Variants in SLC35D4 observed in about 807,000 individuals in gnomAD.
SLC35D4 encodes the protein UDP-N-acetylglucosamine transporter SLC35D4.
the SLC35D4 span, among the ~76,000 whole-genome samples, chr18:23,275,728 G>A: frequency 6.6e-6 from 1 of 152,118 alleles, no homozygotes; most frequent in African/African-American, 2.4e-5. Flanking sequence ...AACTCTTATA[G>A]GGGGTCAAAG....
the SLC35D4 span, among the ~76,000 whole-genome samples, chr18:23,241,796 G>A: frequency 4.6e-5 from 7 of 152,090 alleles, no homozygotes; most frequent in Admixed American, 3.3e-4. Flanking sequence ...AAGGCCCCTC[G>A]TCGCCACAGT....
chr18:23,286,532 G>A, the SLC35D4 span, among the ~76,000 whole-genome samples: 1 of 152,014 alleles, frequency 6.6e-6, no homozygotes, highest in African/African-American at 2.4e-5. Flanking sequence ...GAAGACTGAT[G>A]CTGCCCGATC....
chr18:23,256,073 G>C, the SLC35D4 span, among the ~76,000 whole-genome samples: 1 of 152,168 alleles, frequency 6.6e-6, no homozygotes, highest in African/African-American at 2.4e-5. Context: ...GTAATGGTTT[G>C]ACCAGCCACT....
chr18:23,291,870 C>T, the SLC35D4 span, among the ~76,000 whole-genome samples: 280 of 152,220 alleles, frequency 1.8e-3, 11 homozygotes, highest in South Asian at 0.051. Flanking sequence ...CAAGCCACCA[C>T]TGCTTCTCTC....
At chr18:23,305,256 T>C in the SLC35D4 span, among the ~76,000 whole-genome samples, 1 of 152,222 alleles carries the variant, frequency 6.6e-6, no homozygotes, top group Non-Finnish European at 1.5e-5. Flanking sequence ...TGCTGTCAAA[T>C]TATCTACATA....
At chr18:23,405,654 G>C in the SLC35D4 span, among the ~76,000 whole-genome samples, 1 of 152,240 alleles carries the variant, frequency 6.6e-6, no homozygotes, top group African/African-American at 2.4e-5. Context: ...AGTCCAATGG[G>C]AGAGGTAGGC....
At chr18:23,385,990 G>A in the SLC35D4 span, among the ~76,000 whole-genome samples, 8 of 151,892 alleles carry the variant, frequency 5.3e-5, no homozygotes, top group Admixed American at 6.6e-5. Flanking sequence ...AAAATTAGCC[G>A]AGCATGGTGG....
At chr18:23,244,733 T>A in the SLC35D4 span, among the ~76,000 whole-genome samples, 2 of 152,214 alleles carry the variant, frequency 1.3e-5, no homozygotes, top group African/African-American at 4.8e-5. Flanking sequence ...TATCCTTCCT[T>A]CCTTTCACAG....
At chr18:23,309,585 A>G in the SLC35D4 span, 1 of 1,075,836 alleles carries the variant, frequency 9.3e-7, no homozygotes, top group Non-Finnish European at 1.4e-6. Context: ...CAGCCAACGC[A>G]CACTCCCTTT....
the SLC35D4 span, among the ~76,000 whole-genome samples, chr18:23,426,568 A>G: frequency 6.6e-6 from 1 of 152,214 alleles, no homozygotes; most frequent in Non-Finnish European, 1.5e-5. Flanking sequence ...GGAAGAATCA[A>G]TGTCGTGAAA....
At chr18:23,283,799 A>G in the SLC35D4 span, among the ~76,000 whole-genome samples, 1 of 147,322 alleles carries the variant, frequency 6.8e-6, no homozygotes, top group Non-Finnish European at 1.5e-5. Flanking sequence ...ACAGAGCAAG[A>G]CTCCATCTCA....
the SLC35D4 span, among the ~76,000 whole-genome samples, chr18:23,335,731 G>A: frequency 6.6e-6 from 1 of 152,030 alleles, no homozygotes; most frequent in Non-Finnish European, 1.5e-5. Context: ...CTCATTTATT[G>A]GACACCATAC....
chr18:23,289,856 C>T, the SLC35D4 span, among the ~76,000 whole-genome samples: 3 of 152,014 alleles, frequency 2.0e-5, no homozygotes, highest in Non-Finnish European at 1.5e-5. Context: ...ACCTTGTGAC[C>T]CCCACTCCTG....
chr18:23,371,287 G>A, the SLC35D4 span: 1 of 627,894 alleles, frequency 1.6e-6, no homozygotes, highest in South Asian at 2.5e-5. Flanking sequence ...TAGAGATGGG[G>A]TTTCTCAAGG....
chr18:23,286,409 T>G, the SLC35D4 span, among the ~76,000 whole-genome samples: 14 of 152,204 alleles, frequency 9.2e-5, no homozygotes, highest in Non-Finnish European at 1.3e-4. Flanking sequence ...CCACTGGAAA[T>G]CGGATGGAAA....
At chr18:23,316,116 T>TCCAAC in the SLC35D4 span, among the ~76,000 whole-genome samples, 1 of 152,202 alleles carries the variant, frequency 6.6e-6, no homozygotes, top group East Asian at 1.9e-4. Context: ...GAGAGTTCTC[T>TCCAAC]TCTATACCCT....
chr18:23,408,190 CT>C, the SLC35D4 span, among the ~76,000 whole-genome samples: 1 of 151,654 alleles, frequency 6.6e-6, no homozygotes, highest in African/African-American at 2.4e-5. Context: ...CCCCTAACCT[CT>C]TACCTGGCTA....
chr18:23,328,954 G>A, the SLC35D4 span, among the ~76,000 whole-genome samples: 1 of 152,176 alleles, frequency 6.6e-6, no homozygotes, highest in Admixed American at 6.5e-5. Context: ...AAGAAACAGG[G>A]AAAAGATTCC....
At chr18:23,339,493 T>C in the SLC35D4 span, among the ~76,000 whole-genome samples, 6 of 152,306 alleles carry the variant, frequency 3.9e-5, no homozygotes, top group East Asian at 5.8e-4. Flanking sequence ...CCAGATACAA[T>C]AGTCAGCACT....
Sources: allele counts gnomAD v4.1 joint callset (sites outside exome capture counted in the v4.1 genomes callset), GRCh38; gene constraint gnomAD v4.1.1; transcripts MANE v1.5; gene names NCBI Gene and HGNC (gene_info 2026-07-23, HGNC 2026-07-21).